The following CHST15 variants were observed in gnomAD, a reference collection of about 807,000 sequenced individuals.
CHST15 encodes the protein carbohydrate sulfotransferase 15, also known as B cell RAG associated protein (GALNAC4S-6ST).
A neutral mutation model predicts 53.6 loss-of-function variants in CHST15; 30 were observed. That is an observed-to-expected ratio of 0.56 (90% CI 0.42 to 0.76). The LOEUF (loss-of-function observed/expected upper bound fraction) is 0.76. CHST15 is among the 30% of genes least tolerant of loss of function. The probability of loss-of-function intolerance (pLI) is 0.00; values close to 1 mark genes in which losing one functional copy is unlikely to be tolerated. For synonymous variants in CHST15, 296 were observed against 289.8 expected (o/e 1.02, Z -0.22); for missense variants, 627 against 740.5 (o/e 0.85, Z 1.78).
rs1413420217 is a variant in CHST15, at chr10:124,021,304, A to G, written c.1299T>C (p.Tyr433=). ...LQLFENCMLD[Y]SLRACVYNNT... ...TGTTGTAGACGCAGGCGCGCAGTGA[A>G]TAATCAAGCATGCAATTTTCAAACA... Residue 433 remains tyrosine (Y), a synonymous_variant, in exon 6 of 8, where the codon TAT becomes TAC. Transcript: ENST00000435907. 1 of 1,613,534 alleles carries G rather than the reference A, an allele frequency of 6.2e-7. No individual in the cohort carries two copies. The highest frequency in any genetic ancestry group is 2.2e-5 in the East Asian group (1 of 44,886).
chr10:124,050,726 A>G (rs1590276497), intron 1 of CHST15, among the ~76,000 whole-genome samples: 1 of 152,200 alleles, frequency 6.6e-6, no homozygotes, highest in South Asian at 2.1e-4. Context: ...ACAAGAAGGA[A>G]GCCAGTCACG....
chr10:124,038,147 C>T (rs527335069), intron 5 of CHST15, among the ~76,000 whole-genome samples: 2 of 151,202 alleles, frequency 1.3e-5, no homozygotes, highest in East Asian at 3.9e-4. Flanking sequence ...CACTCTGACA[C>T]CCAGGCTGGA....
rs181477780 is a variant in CHST15 at position 124,034,632 on chromosome 10, T to G, written c.1190+3883A>C. Among the ~76,000 whole-genome samples, 156 of 103,200 alleles carry G rather than the reference T, an allele frequency of 1.5e-3. 1 individual carries two copies. Among genetic ancestry groups the G allele is most frequent in the Middle Eastern group, 6.8e-3 (1 of 148 alleles). The allele number at this position is 103,200 out of a possible 152,430, so 67.7% of individuals were successfully genotyped here. A position where few individuals can be genotyped will look rare whatever the true frequency, so the allele number is the denominator to read the frequency against. On this transcript the variant is annotated intron_variant, in intron 5 of 7. Coordinates refer to ENST00000435907, the MANE Select transcript of CHST15 (RefSeq NM_001270764.2). ...ACAGGGACCCTGGCTTCACCCCTGA[T>G]AGGTACCCTGGCTCCACCCCTAACA...
In CHST15 at chr10:124,010,401, T is replaced by C. The variant is rs1946379352; in HGVS notation, c.1496-62A>G. 7 of 1,469,030 alleles carry C rather than the reference T, an allele frequency of 4.8e-6. No individual in the cohort carries two copies. In the Admixed American group the frequency reaches 1.1e-4, roughly 24 times the overall value. The allele number at this position is 1,469,030 out of a possible 1,614,324, so 91.0% of individuals were successfully genotyped here. A position where few individuals can be genotyped will look rare whatever the true frequency, so the allele number is the denominator to read the frequency against. ...GCATGGCAGGAAGTAAAAGGGACTT[T>C]GCAAAAATCCCAGCTATGCTTCGTA... On this transcript the variant is annotated intron_variant, in intron 7 of 7. Transcript: ENST00000435907.
intron 1 of CHST15, among the ~76,000 whole-genome samples, chr10:124,058,923 C>T (rs910216606): frequency 2.0e-5 from 3 of 152,162 alleles, no homozygotes; most frequent in Admixed American, 6.5e-5. Context: ...ATTTAAATGT[C>T]ATAATCTAAG....
At position 124,009,406 on chromosome 10, in the gene CHST15, A is replaced by G. The variant is rs1316321837; in HGVS notation, c.*743T>C. 2 of 1,005,518 alleles carry G rather than the reference A, an allele frequency of 2.0e-6. No homozygotes were observed. The highest frequency in any genetic ancestry group is 3.5e-5 in the African/African-American group (2 of 57,662). The allele number at this position is 1,005,518 out of a possible 1,614,324, so 62.3% of individuals were successfully genotyped here. A position where few individuals can be genotyped will look rare whatever the true frequency, so the allele number is the denominator to read the frequency against. ...CATTTTCTATGTTAAACATAAGTCC[A>G]CAAGGACAGAATAGGAGGAGGTCAG... On this transcript the variant is annotated 3_prime_UTR_variant, in exon 8 of 8. Transcript: ENST00000435907.
chr10:124,092,289 G>A (rs1009354659), intron 1 of CHST15: 1 of 154,296 alleles, frequency 6.5e-6, no homozygotes, highest in Non-Finnish European at 1.4e-5. Context: ...CAGCTTCGCC[G>A]CCCCGCAGCC....
chr10:124,069,156 G>C (rs1366470068), intron 1 of CHST15, among the ~76,000 whole-genome samples: 2 of 152,234 alleles, frequency 1.3e-5, no homozygotes, highest in Non-Finnish European at 2.9e-5. Flanking sequence ...AAGGAGGCAG[G>C]TCTGTGCTGC....
rs780560190 is a variant in CHST15, at chr10:124,009,601, T to C, written c.*548A>G. 21 of 990,188 alleles carry C rather than the reference T, an allele frequency of 2.1e-5. No homozygotes were observed. The highest frequency in any genetic ancestry group is 2.5e-5 in the Non-Finnish European group (21 of 832,674). The allele number at this position is 990,188 out of a possible 1,614,324, so 61.3% of individuals were successfully genotyped here. A position where few individuals can be genotyped will look rare whatever the true frequency, so the allele number is the denominator to read the frequency against. On this transcript the variant is annotated 3_prime_UTR_variant, in exon 8 of 8. Coordinates refer to ENST00000435907, the MANE Select transcript of CHST15 (RefSeq NM_001270764.2). Reference sequence around the variant, plus strand: ...CTGCGGTTCTCTGTCCCAGTGAGGTTAGCGATCGCAACAAGAGTGTTTCAG... The same window carrying C: ...CTGCGGTTCTCTGTCCCAGTGAGGTCAGCGATCGCAACAAGAGTGTTTCAG...
chr10:124,045,809 T>C lies in CHST15; in HGVS notation c.404A>G (p.His135Arg). The change falls in exon 2 of 8, where the codon CAC becomes CGC. Residue 135 changes from histidine to arginine, a missense_variant. This residue lies in a region of CHST15 where 187 missense variants were observed against 251.8 expected (regional missense o/e 0.74). Coordinates refer to ENST00000435907, the MANE Select transcript of CHST15 (RefSeq NM_001270764.2). ...AATATTATTTACAGAGGATTGGTGG[T>C]GATGCTCCTTTGTGTCACTTGGGTT... ...SENPSDTKEH[H>R]HQSSVNNISY... 1 of 1,614,140 alleles carries C rather than the reference T, an allele frequency of 6.2e-7. No individual in the cohort carries two copies. The highest frequency in any genetic ancestry group is 8.5e-7 in the Non-Finnish European group (1 of 1,180,034).
chr10:124,083,820 C>T lies in CHST15; in HGVS notation c.-513+9649G>A, dbSNP rs561292613. Among the ~76,000 whole-genome samples, 15 of 152,282 alleles carry T rather than the reference C, an allele frequency of 9.9e-5. No homozygotes were observed. In the East Asian group the frequency reaches 2.1e-3, roughly 22 times the overall value. ...ACTGACCTGATGCGGCATGGGGACT[C>T]GGCCTTTCTGGAACATATTTTCTTT... On this transcript the variant is annotated intron_variant, in intron 1 of 7. Coordinates refer to ENST00000435907, the MANE Select transcript of CHST15 (RefSeq NM_001270764.2).
In CHST15 at chr10:124,015,576, G is replaced by A. The variant is rs372718100; in HGVS notation, c.1348-3096C>T. Among the ~76,000 whole-genome samples the A allele has an allele frequency of 2.6e-5, 4 of 151,998 alleles. No individual in the cohort carries two copies. In the East Asian group the frequency reaches 5.9e-4, roughly 22 times the overall value. On this transcript the variant is annotated intron_variant, in intron 6 of 7. Coordinates refer to ENST00000435907, the MANE Select transcript of CHST15 (RefSeq NM_001270764.2). ...CCACTTCTCCCCAGACAGGTACCAGGCCGAGCCTCTCCGTCCCCTACTAGG... is the reference window on the plus strand; with the variant it reads ...CCACTTCTCCCCAGACAGGTACCAGACCGAGCCTCTCCGTCCCCTACTAGG...
rs533841906 is a variant in CHST15, at chr10:124,021,338, G to A, written c.1265C>T (p.Ala422Val). The A allele has an allele frequency of 6.2e-7, 1 of 1,614,058 alleles. No homozygotes were observed. The highest frequency in any genetic ancestry group is 2.2e-5 in the East Asian group (1 of 44,880). ...CATGCAATTTTCAAACAGCTGCAGTGCTTCTGTCACTTTCTCATGGAAGTC... is the reference window on the plus strand; with the variant it reads ...CATGCAATTTTCAAACAGCTGCAGTACTTCTGTCACTTTCTCATGGAAGTC... ...ADDFHEKVTE[A>V]LQLFENCMLD... The change falls in exon 6 of 8, where the codon GCA (alanine) becomes GTA (valine). Residue 422 changes from alanine (A) to valine (V), a missense_variant. Ala to Val is a moderately conservative substitution (Grantham distance 64, BLOSUM62 0). Coordinates refer to ENST00000435907, the MANE Select transcript of CHST15 (RefSeq NM_001270764.2).
intron 1 of CHST15, among the ~76,000 whole-genome samples, chr10:124,075,957 T>C (rs1388870219): frequency 6.6e-6 from 1 of 152,154 alleles, no homozygotes; most frequent in Non-Finnish European, 1.5e-5. Context: ...TTCTCCGGGA[T>C]CCAGAATGAC....
intron 5 of CHST15, among the ~76,000 whole-genome samples, chr10:124,032,202 TC>T (rs1437821059): frequency 6.6e-6 from 1 of 152,254 alleles, no homozygotes; most frequent in African/African-American, 2.4e-5. Context: ...CTAGCCAGGT[TC>T]CAAGACTCCA....
intron 5 of CHST15, among the ~76,000 whole-genome samples, chr10:124,027,996 C>T (rs1005862328): frequency 2.6e-5 from 4 of 152,172 alleles, no homozygotes; most frequent in Non-Finnish European, 4.4e-5. Flanking sequence ...TTTAGGTGCA[C>T]GGTGATTTGG....
intron 1 of CHST15, among the ~76,000 whole-genome samples, chr10:124,047,936 C>T (rs1948060698): frequency 1.3e-5 from 2 of 152,224 alleles, no homozygotes; most frequent in South Asian, 2.1e-4. Flanking sequence ...ACTCTACCCA[C>T]GCCACCCCTC....
intron 6 of CHST15, chr10:124,020,609 C>G: frequency 3.0e-6 from 3 of 987,144 alleles, no homozygotes; most frequent in Non-Finnish European, 3.6e-6. Flanking sequence ...CTTGTAAAGC[C>G]ACTCTGGAAC....
At position 124,008,401 on chromosome 10, in the gene CHST15, G is replaced by T; in HGVS notation, c.*1748C>A. 1.0e-6 allele frequency: 1 copy of T among 999,290 alleles called. No individual in the cohort carries two copies. Among genetic ancestry groups the T allele is most frequent in the Non-Finnish European group, 1.2e-6 (1 of 839,078 alleles). 61.9% of individuals were successfully genotyped at this position (999,290 alleles called of 1,614,324 possible). A position where few individuals can be genotyped will look rare whatever the true frequency, so the allele number is the denominator to read the frequency against. On this transcript the variant is annotated 3_prime_UTR_variant, in exon 8 of 8. Coordinates refer to ENST00000435907, the MANE Select transcript of CHST15 (RefSeq NM_001270764.2). ...AATAAATATACACACACACTGAAGT[G>T]ATCTCTCCCTAAAGCATCCTTGTGC...
Sources: allele counts gnomAD v4.1 joint callset (sites outside exome capture counted in the v4.1 genomes callset), GRCh38; gene constraint gnomAD v4.1.1; regional missense constraint gnomAD v4.1.1; transcripts MANE v1.5; gene names NCBI Gene and HGNC (gene_info 2026-07-23, HGNC 2026-07-21).